LPP: variants seen among roughly 807,000 people sequenced by gnomAD.
The protein encoded by LPP is lipoma-preferred partner.
LPP carries 38 observed loss-of-function variants against 60.4 expected under a neutral mutation model. The observed-to-expected ratio is 0.63, with a 90% CI of 0.49 to 0.83. LPP has a LOEUF of 0.83. Among genes scored for constraint, LPP ranks in the 40% least tolerant of loss-of-function variants. The pLI is 0.00. For synonymous variants in LPP, 328 were observed against 290.8 expected, an observed-to-expected ratio of 1.13 and a Z score of -1.30; for missense variants, 902 against 783.6, an observed-to-expected ratio of 1.15 and a Z score of -1.80.
Position 188,738,625 on chromosome 3 carries a change from G to A in LPP, c.1241-21488G>A, listed in dbSNP as rs570774251. ...AACATAGTCGTTTGATAAAGTGTGG[G>A]CTGCTTTTCATCACGAATGTAAAAA... On this transcript the variant is annotated intron_variant, in intron 8 of 11. Coordinates refer to ENST00000617246, the MANE Select transcript of LPP (RefSeq NM_001375462.1). Among the ~76,000 whole-genome samples, 4 of 152,210 alleles carry A rather than the reference G, an allele frequency of 2.6e-5. No individual in the cohort carries two copies. In the East Asian group the frequency reaches 7.7e-4, roughly 29 times the overall value.
Position 188,428,580 on chromosome 3 carries a change from C to CTATA in LPP, c.193+22281_193+22284dup, listed in dbSNP as rs5855196. Among the ~76,000 whole-genome samples, 177 of 137,430 alleles carry CTATA rather than the reference C, an allele frequency of 1.3e-3. 1 individual carries two copies. The highest frequency in any genetic ancestry group is 4.3e-3 in the East Asian group (20 of 4,630). The allele number at this position is 137,430 out of a possible 152,430, so 90.2% of individuals were successfully genotyped here. Reference sequence around the variant, plus strand: ...TAATGTAATTGCTCTGGGATGGGCACTATATATATATATATATTTTTTTTT... The same window carrying CTATA: ...TAATGTAATTGCTCTGGGATGGGCACTATATATATATATATATATATTTTTTTTT... On this transcript the variant is annotated intron_variant, in intron 4 of 11. Coordinates refer to ENST00000617246, the MANE Select transcript of LPP (RefSeq NM_001375462.1).
intron 1 of LPP, among the ~76,000 whole-genome samples, chr3:188,177,915 T>C (rs575192371): frequency 3.9e-5 from 6 of 152,320 alleles, no homozygotes; most frequent in Non-Finnish European, 7.3e-5. Flanking sequence ...GATGTGACGA[T>C]GTGCATAAGT....
At position 188,883,870 on chromosome 3, in the gene LPP, T is replaced by G. The variant is rs1196931454; in HGVS notation, c.*9391T>G. On this transcript the variant is annotated 3_prime_UTR_variant, in exon 12 of 12. Coordinates refer to ENST00000617246, the MANE Select transcript of LPP (RefSeq NM_001375462.1). ...TAGTTAGTTCATCTGTGGAAAAGGATATCGTTCTTGAGGAGAGGGGTTCTA... is the reference window on the plus strand; with the variant it reads ...TAGTTAGTTCATCTGTGGAAAAGGAGATCGTTCTTGAGGAGAGGGGTTCTA... 4.6e-6 allele frequency: 1 copy of G among 217,822 alleles called. No individual in the cohort carries two copies. The highest frequency in any genetic ancestry group is 6.7e-5 in the East Asian group (1 of 14,828). 13.5% of individuals were successfully genotyped at this position (217,822 alleles called of 1,614,324 possible). A position where few individuals can be genotyped will look rare whatever the true frequency, so the allele number is the denominator to read the frequency against.
chr3:188,479,435 C>G (rs1804140899), intron 4 of LPP, among the ~76,000 whole-genome samples: 1 of 152,204 alleles, frequency 6.6e-6, no homozygotes, highest in Non-Finnish European at 1.5e-5. Flanking sequence ...TGCGTTTGAT[C>G]TAGGTTCCCC....
At chr3:188,867,277 A>C (rs1291059533) in intron 10 of LPP, among the ~76,000 whole-genome samples, 4 of 144,976 alleles carry the variant, frequency 2.8e-5, no homozygotes, top group Non-Finnish European at 6.0e-5. Flanking sequence ...ATATATATAC[A>C]TAATAATATG....
At chr3:188,575,451 T>C (rs1048126389) in intron 6 of LPP, among the ~76,000 whole-genome samples, 6 of 152,168 alleles carry the variant, frequency 3.9e-5, no homozygotes, top group Non-Finnish European at 8.8e-5. Context: ...GTTCCATTAT[T>C]GTGTTCATCT....
At chr3:188,636,372 G>C (rs1291034887) in intron 7 of LPP, among the ~76,000 whole-genome samples, 1 of 152,184 alleles carries the variant, frequency 6.6e-6, no homozygotes, top group Non-Finnish European at 1.5e-5. Context: ...GGTGCACCAC[G>C]AGATTATATC....
chr3:188,479,217 C>T (rs1015805278), intron 4 of LPP, among the ~76,000 whole-genome samples: 3 of 152,316 alleles, frequency 2.0e-5, no homozygotes, highest in African/African-American at 7.2e-5. Flanking sequence ...GGAGTATCTA[C>T]ATGCTTTTAT....
At chr3:188,863,948 G>A (rs893817348) in intron 9 of LPP, among the ~76,000 whole-genome samples, 2 of 139,180 alleles carry the variant, frequency 1.4e-5, no homozygotes, top group Admixed American at 1.5e-4. Context: ...TCCATTACAG[G>A]GCTGACTAAA....
intron 6 of LPP, among the ~76,000 whole-genome samples, chr3:188,553,338 G>C (rs1274137818): frequency 6.6e-6 from 1 of 152,050 alleles, no homozygotes; most frequent in Non-Finnish European, 1.5e-5. Flanking sequence ...TGGGTAAAAA[G>C]TTCAGGTAGA....
At chr3:188,329,771 G>A (rs1252465470) in intron 2 of LPP, among the ~76,000 whole-genome samples, 1 of 152,154 alleles carries the variant, frequency 6.6e-6, no homozygotes, top group Non-Finnish European at 1.5e-5. Flanking sequence ...AGACACAGGG[G>A]AAGCGAAGTT....
chr3:188,223,215 G>A (rs1716457812), intron 1 of LPP, among the ~76,000 whole-genome samples: 1 of 152,132 alleles, frequency 6.6e-6, no homozygotes, highest in Non-Finnish European at 1.5e-5. Context: ...GCGTGATCCT[G>A]CAGCTGTTTC....
At chr3:188,376,186 T>A (rs1486378960) in intron 3 of LPP, among the ~76,000 whole-genome samples, 7 of 152,070 alleles carry the variant, frequency 4.6e-5, no homozygotes, top group Non-Finnish European at 7.4e-5. Context: ...ATTCTGTCGA[T>A]TTGGGGTGGA....
At position 188,838,590 on chromosome 3, in the gene LPP, G is replaced by A. The variant is rs529356936; in HGVS notation, c.1411-27610G>A. Among the ~76,000 whole-genome samples the A allele has an allele frequency of 2.5e-4, 38 of 152,216 alleles. 1 individual carries two copies. The highest frequency in any genetic ancestry group is 8.7e-4 in the African/African-American group (36 of 41,534). ...CATTCCTCATTTGAAAAGTTGAAGC[G>A]TAATTTCTTATAAGACTTTAGAAGT... On this transcript the variant is annotated intron_variant, in intron 9 of 11. Transcript: ENST00000617246.
chr3:188,269,635 C>T (rs1736891499), intron 2 of LPP, among the ~76,000 whole-genome samples: 1 of 132,908 alleles, frequency 7.5e-6, no homozygotes, highest in Non-Finnish European at 1.6e-5. Context: ...CTGGTTGTGC[C>T]TTTTTTTTTA....
At chr3:188,215,675 G>A (rs1713261663) in intron 1 of LPP, among the ~76,000 whole-genome samples, 1 of 152,104 alleles carries the variant, frequency 6.6e-6, no homozygotes. Flanking sequence ...TATCCATTTA[G>A]GTACTATTTT....
intron 3 of LPP, among the ~76,000 whole-genome samples, chr3:188,386,356 G>T (rs908180568): frequency 1.1e-4 from 17 of 150,302 alleles, no homozygotes; most frequent in African/African-American, 4.2e-4. Flanking sequence ...TCTTTCAGTA[G>T]ATGATTTCTT....
In LPP at chr3:188,466,806, CAT is replaced by C. The variant is rs56406660; in HGVS notation, c.194-17751_194-17750del. Among the ~76,000 whole-genome samples, 341 of 106,478 alleles carry C rather than the reference CAT, an allele frequency of 3.2e-3. 3 individuals are homozygous for C. The highest frequency in any genetic ancestry group is 0.013 in the African/African-American group (333 of 25,464). 69.9% of individuals were successfully genotyped at this position (106,478 alleles called of 152,430 possible). The stretch of plus-strand genomic sequence containing the variant: ...AAAAGTGGTTTCTGTCATCTCAGAA[CAT>C]ATATATATATATATATATATATATA... On this transcript the variant is annotated intron_variant, in intron 4 of 11. Coordinates refer to ENST00000617246, the MANE Select transcript of LPP (RefSeq NM_001375462.1).
At chr3:188,772,328 G>A (rs1165669569) in intron 9 of LPP, among the ~76,000 whole-genome samples, 1 of 152,070 alleles carries the variant, frequency 6.6e-6, no homozygotes, top group Non-Finnish European at 1.5e-5. Flanking sequence ...CCAACTAGAT[G>A]TAACCATTTC....
Sources: gnomAD v4.1 joint callset for allele counts (sites outside exome capture counted in the v4.1 genomes callset) on GRCh38, gnomAD v4.1.1 for gene constraint, MANE v1.5 for transcripts, NCBI Gene and HGNC (gene_info 2026-07-23, HGNC 2026-07-21) for gene names.